POMGNT2: variants seen among roughly 807,000 people sequenced by gnomAD.
POMGNT2 encodes the protein protein O-linked mannose N-acetylglucosaminyltransferase 2 (beta 1,4-).
A neutral mutation model predicts 37.8 loss-of-function variants in POMGNT2; 32 were observed. The observed-to-expected ratio is 0.85, with a 90% confidence interval of 0.64 to 1.14. The LOEUF (loss-of-function observed/expected upper bound fraction) is 1.14, where lower values mean the gene tolerates loss of function less well. Among genes scored for constraint, POMGNT2 ranks in the 50% most tolerant of loss-of-function variants. The pLI is 0.00. For synonymous variants in POMGNT2, 340 were observed against 336.8 expected, an observed-to-expected ratio of 1.01 and a Z score of -0.10; for missense variants, 705 against 780.6, an observed-to-expected ratio of 0.90 and a Z score of 1.15.
intron 1 of POMGNT2, among the ~76,000 whole-genome samples, chr3:43,104,126 T>C (rs2090039612): frequency 6.6e-6 from 1 of 152,202 alleles, no homozygotes; most frequent in African/African-American, 2.4e-5. Context: ...ATTAAGTGAA[T>C]TGCCCAGTGA....
intron 1 of POMGNT2, among the ~76,000 whole-genome samples, chr3:43,086,930 T>G (rs1445224894): frequency 6.6e-6 from 1 of 152,142 alleles, no homozygotes; most frequent in Non-Finnish European, 1.5e-5. Context: ...GATAAGAATC[T>G]TGAAATGAGA....
chr3:43,102,414 T>A (rs1405900298), intron 1 of POMGNT2, among the ~76,000 whole-genome samples: 4 of 152,076 alleles, frequency 2.6e-5, no homozygotes, highest in African/African-American at 2.4e-5. Flanking sequence ...ACTGGCAGAG[T>A]GAAAGATCTG....
At chr3:43,084,555 G>A (rs1575465151) in intron 1 of POMGNT2, among the ~76,000 whole-genome samples, 2 of 151,832 alleles carry the variant, frequency 1.3e-5, no homozygotes, top group East Asian at 3.9e-4. Flanking sequence ...TGAGGCAGGA[G>A]AATGGCATGA....
intron 1 of POMGNT2, among the ~76,000 whole-genome samples, chr3:43,091,733 C>A (rs946599338): frequency 6.6e-6 from 1 of 152,192 alleles, no homozygotes; most frequent in Admixed American, 6.5e-5. Flanking sequence ...CTGTAATAAC[C>A]TATTGACGTA....
At chr3:43,103,273 T>A (rs1223889544) in intron 1 of POMGNT2, among the ~76,000 whole-genome samples, 1 of 152,152 alleles carries the variant, frequency 6.6e-6, no homozygotes, top group Non-Finnish European at 1.5e-5. Flanking sequence ...AGTCCAGGGC[T>A]CCTTCTCCTC....
At chr3:43,105,755 G>C (rs1403580181) in intron 1 of POMGNT2, 81 bp downstream of exon 1, 2 of 152,284 alleles carry the variant, frequency 1.3e-5, no homozygotes, top group African/African-American at 2.4e-5. Context: ...CCCTCCAGGG[G>C]GCCGAGGGTT....
intron 1 of POMGNT2, among the ~76,000 whole-genome samples, chr3:43,092,441 G>C (rs1468222007): frequency 6.6e-6 from 1 of 152,090 alleles, no homozygotes; most frequent in Non-Finnish European, 1.5e-5. Context: ...AGGAGTATGG[G>C]CACGGGCCAC....
rs1219576418 is a variant in POMGNT2 at position 43,079,520 on chromosome 3, T to C, written c.*169A>G. 4.9e-6 allele frequency: 3 copies of C among 614,246 alleles called. No homozygotes were observed. Among genetic ancestry groups the C allele is most frequent in the African/African-American group, 1.9e-5 (1 of 53,968 alleles). The allele number at this position is 614,246 out of a possible 1,614,324, so 38.0% of individuals were successfully genotyped here. ...AAGGGGAAGTCAGGTCCCTTATCTC[T>C]AGGGCAAAGAGGAGTGCTGTGACAC... On this transcript the variant is annotated 3_prime_UTR_variant, in exon 2 of 2. Coordinates refer to ENST00000344697, the MANE Select transcript of POMGNT2 (RefSeq NM_032806.6).
intron 1 of POMGNT2, among the ~76,000 whole-genome samples, chr3:43,102,382 G>A (rs986045571): frequency 2.0e-5 from 3 of 152,242 alleles, no homozygotes; most frequent in Non-Finnish European, 4.4e-5. Context: ...TGTAGCATAA[G>A]CTTGTACCAA....
intron 1 of POMGNT2, chr3:43,090,495 C>A (rs558640564): frequency 6.6e-6 from 1 of 152,236 alleles, no homozygotes; most frequent in East Asian, 1.9e-4. Flanking sequence ...AACCTTACCA[C>A]CACCATGGTA....
intron 1 of POMGNT2, among the ~76,000 whole-genome samples, chr3:43,104,998 G>A (rs112879042): frequency 0.013 from 1,926 of 152,256 alleles, 33 homozygotes; most frequent in African/African-American, 0.044. Flanking sequence ...AACCTCCTCT[G>A]TCTATGCTCT....
chr3:43,083,724 G>C (rs994871426), intron 1 of POMGNT2, among the ~76,000 whole-genome samples: 1 of 152,184 alleles, frequency 6.6e-6, no homozygotes, highest in Admixed American at 6.5e-5. Flanking sequence ...ACCCACATCA[G>C]ACAGTAATTT....
chr3:43,089,324 G>C (rs2089924158), intron 1 of POMGNT2, among the ~76,000 whole-genome samples: 1 of 152,194 alleles, frequency 6.6e-6, no homozygotes, highest in Non-Finnish European at 1.5e-5. Flanking sequence ...TGTGATATCT[G>C]AACAGTACAA....
intron 1 of POMGNT2, among the ~76,000 whole-genome samples, chr3:43,083,993 T>C (rs2089876229): frequency 2.0e-5 from 3 of 152,234 alleles, no homozygotes; most frequent in South Asian, 4.1e-4. Context: ...TCACTGCGTA[T>C]AGAATTTGGG....
At position 43,098,805 on chromosome 3, in the gene POMGNT2, C is replaced by T. The variant is rs2089996872; in HGVS notation, c.-106+7031G>A. 6.6e-6 allele frequency among the ~76,000 whole-genome samples: 1 copy of T among 152,182 alleles called. No homozygotes were observed. The highest frequency in any genetic ancestry group is 1.5e-5 in the Non-Finnish European group (1 of 68,030). On this transcript the variant is annotated intron_variant, in intron 1 of 1. Coordinates refer to ENST00000344697, the MANE Select transcript of POMGNT2 (RefSeq NM_032806.6). This position sits in a 1 kb window ranked among gnomAD's most constrained non-coding sequence, Gnocchi z 4.3. ...GTGAGAAGGGTGATGTCAGTCTTTG[C>T]TGAGGATAAACCAAGGCTTGAGTGT... is the stretch of plus-strand genomic sequence containing the variant.
At chr3:43,103,394 T>A (rs1575476348) in intron 1 of POMGNT2, among the ~76,000 whole-genome samples, 1 of 152,084 alleles carries the variant, frequency 6.6e-6, no homozygotes. Context: ...TTTCTTCTCA[T>A]ACACAAGCTT....
Position 43,086,824 on chromosome 3 carries a change from G to C in POMGNT2, c.-105-5288C>G, listed in dbSNP as rs145748586. ...GGCTTCATTTTTTGTTCTCAGAAGG[G>C]AGAAAGGAGAGGTGACTCCCACTCA... On this transcript the variant is annotated intron_variant, in intron 1 of 1. Coordinates refer to ENST00000344697, the MANE Select transcript of POMGNT2 (RefSeq NM_032806.6). Among the ~76,000 whole-genome samples the C allele has an allele frequency of 6.2e-3, 946 of 152,294 alleles. 26 individuals are homozygous for C. The highest frequency in any genetic ancestry group is 0.042 in the Admixed American group (648 of 15,302).
chr3:43,105,506 G>A (rs989808117), intron 1 of POMGNT2, among the ~76,000 whole-genome samples: 1 of 151,960 alleles, frequency 6.6e-6, no homozygotes, highest in African/African-American at 2.4e-5. Context: ...CGACGCCAGT[G>A]CCTGCCACGA....
chr3:43,094,917 G>A (rs2089969106), intron 1 of POMGNT2, among the ~76,000 whole-genome samples: 1 of 152,190 alleles, frequency 6.6e-6, no homozygotes, highest in Non-Finnish European at 1.5e-5. Context: ...GTCTCCCAGT[G>A]AGCCCACTTC....
Sources: allele counts gnomAD v4.1 joint callset (sites outside exome capture counted in the v4.1 genomes callset), GRCh38; gene constraint gnomAD v4.1.1; non-coding constraint Gnocchi (gnomAD v3.1); transcripts MANE v1.5; gene names NCBI Gene and HGNC (gene_info 2026-07-23, HGNC 2026-07-21).